The following FARSB variants were observed in gnomAD, a reference collection of about 807,000 sequenced individuals.
FARSB encodes the protein phenylalanyl-tRNA synthetase subunit beta.
In FARSB, 40 loss-of-function variants were observed where a neutral mutation model predicts 69.6. That is an observed-to-expected ratio of 0.57 (90% CI 0.45 to 0.75). The LOEUF is 0.75. Among genes scored for constraint, FARSB ranks in the 30% least tolerant of loss-of-function variants. The pLI, the probability that FARSB is intolerant of heterozygous loss-of-function variation, is 0.00. For synonymous variants in FARSB, 235 were observed against 247.2 expected (o/e 0.95, Z 0.46); for missense variants, 632 against 722.9 (o/e 0.87, Z 1.44).
chr2:222,623,706 G>T lies in FARSB; in HGVS notation c.1195C>A (p.Leu399Ile). 1 of 1,610,098 alleles carries T rather than the reference G, an allele frequency of 6.2e-7. No individual in the cohort carries two copies. Among genetic ancestry groups the T allele is most frequent in the Non-Finnish European group, 8.5e-7 (1 of 1,176,728 alleles). The change falls in exon 13 of 17, where the codon CTT becomes ATT. Residue 399 changes from leucine (L) to isoleucine (I), a missense_variant. Physicochemically the swap from Leu to Ile is conservative, Grantham distance 5. Coordinates refer to ENST00000281828, the MANE Select transcript of FARSB (RefSeq NM_005687.5). ...NQFPLNKLTE[L>I]LRHDMAAAGF... ...GCGGCTGCCATGTCATGTCGGAGAA[G>T]TTCAGTGAGCTTATTAAGAGGAAAC... is the stretch of plus-strand genomic sequence containing the variant.
intron 16 of FARSB, among the ~76,000 whole-genome samples, chr2:222,594,463 T>A (rs935070439): frequency 8.5e-5 from 13 of 152,196 alleles, no homozygotes; most frequent in Non-Finnish European, 1.8e-4. Context: ...TAGTTATTGA[T>A]AACCCTGCAT....
At chr2:222,634,691 G>T in intron 5 of FARSB, 150 bp from the exon 6 acceptor site, 1 of 536,880 alleles carries the variant, frequency 1.9e-6, no homozygotes, top group Non-Finnish European at 3.1e-6. Flanking sequence ...CCCTGAAACA[G>T]CATATTGCTA....
intron 1 of FARSB, among the ~76,000 whole-genome samples, chr2:222,654,980 C>T (rs1023873141): frequency 2.6e-5 from 4 of 151,908 alleles, no homozygotes; most frequent in Non-Finnish European, 5.9e-5. Context: ...AGGTGGATCA[C>T]GAGGTCAGGA....
intron 16 of FARSB, among the ~76,000 whole-genome samples, chr2:222,580,950 G>A (rs1689953247): frequency 6.6e-6 from 1 of 152,072 alleles, no homozygotes; most frequent in Non-Finnish European, 1.5e-5. Flanking sequence ...GACAGGAAGG[G>A]CCAGGGGGTC....
At chr2:222,604,975 T>G (rs1472434652) in intron 15 of FARSB, among the ~76,000 whole-genome samples, 1 of 151,980 alleles carries the variant, frequency 6.6e-6, no homozygotes, top group Non-Finnish European at 1.5e-5. Context: ...GCCATATCTA[T>G]GCCAGCTGAG....
intron 6 of FARSB, 91 bp from the exon 7 acceptor site, chr2:222,633,398 G>C: frequency 1.1e-5 from 7 of 623,552 alleles, no homozygotes; most frequent in Non-Finnish European, 2.7e-6. Flanking sequence ...AAAAAGAAGA[G>C]AACGCCAGGT....
chr2:222,642,597 C>T (rs559083920), intron 3 of FARSB, among the ~76,000 whole-genome samples: 29 of 152,242 alleles, frequency 1.9e-4, no homozygotes, highest in South Asian at 1.9e-3. Flanking sequence ...TTTTTTAAGA[C>T]GCCATAAAAG....
intron 16 of FARSB, among the ~76,000 whole-genome samples, chr2:222,590,823 T>C (rs1690249873): frequency 6.6e-6 from 1 of 152,186 alleles, no homozygotes; most frequent in African/African-American, 2.4e-5. Flanking sequence ...ATTGTTGAAA[T>C]TAGACAATGG....
intron 16 of FARSB, 108 bp downstream of exon 16, chr2:222,599,820 T>C: frequency 1.2e-6 from 1 of 810,492 alleles, no homozygotes. Context: ...AATAAAACTC[T>C]CCCTTTCTTT....
In FARSB at chr2:222,571,973, T is replaced by C. The variant is rs768843030; in HGVS notation, c.1668A>G (p.Gln556=). ...GAAGGACCCCAAGCTTCCCGACGCT[T>C]TGACCCCTGGCAAAGATCTCTGCAC... ...GRCAEIFARG[Q]SVGKLGVLHP... is the part of the protein sequence containing the mutation. Residue 556 remains glutamine, a synonymous_variant, in exon 17 of 17, where the codon CAA becomes CAG. Coordinates refer to ENST00000281828, the MANE Select transcript of FARSB (RefSeq NM_005687.5). 4 of 1,613,856 alleles carry C rather than the reference T, an allele frequency of 2.5e-6. No homozygotes were observed. In the Admixed American group the frequency reaches 5.0e-5, roughly 20 times the overall value.
chr2:222,627,285 T>C (rs1298085730), intron 10 of FARSB, among the ~76,000 whole-genome samples: 1 of 152,168 alleles, frequency 6.6e-6, no homozygotes, highest in African/African-American at 2.4e-5. Flanking sequence ...AGAATAATGT[T>C]TGAAAAATGC....
At chr2:222,614,968 A>G (rs1690958697) in intron 14 of FARSB, among the ~76,000 whole-genome samples, 1 of 152,226 alleles carries the variant, frequency 6.6e-6, no homozygotes, top group South Asian at 2.1e-4. Flanking sequence ...GCTAAAAAAT[A>G]TATACAGCTG....
chr2:222,653,394 C>G (rs1363716865), intron 1 of FARSB, among the ~76,000 whole-genome samples: 1 of 147,328 alleles, frequency 6.8e-6, no homozygotes, highest in East Asian at 2.0e-4. Flanking sequence ...GTGAATGAGA[C>G]ATTATCTGAA....
chr2:222,622,301 T>C (rs1478659293), intron 13 of FARSB, among the ~76,000 whole-genome samples: 1 of 152,110 alleles, frequency 6.6e-6, no homozygotes, highest in Non-Finnish European at 1.5e-5. Flanking sequence ...AAGTATAAAG[T>C]ATAAGTATAA....
chr2:222,592,510 C>G (rs1001117163), intron 16 of FARSB, among the ~76,000 whole-genome samples: 3 of 152,036 alleles, frequency 2.0e-5, no homozygotes, highest in African/African-American at 7.2e-5. Context: ...GTAAATCTGT[C>G]TCACATGTAT....
At chr2:222,614,111 AAAG>A (rs1427660442) in intron 14 of FARSB, among the ~76,000 whole-genome samples, 183 bp from the exon 15 acceptor site, 1 of 152,250 alleles carries the variant, frequency 6.6e-6, no homozygotes, top group African/African-American at 2.4e-5. Context: ...ATTGAACTGA[AAAG>A]AACTGAAAAC....
At position 222,568,837 on chromosome 2, in the gene FARSB, C is replaced by G. The variant is rs1689672358; in HGVS notation, c.*3034G>C. On this transcript the variant is annotated 3_prime_UTR_variant, in exon 17 of 17. Coordinates refer to ENST00000281828, the MANE Select transcript of FARSB (RefSeq NM_005687.5). The surrounding 1 kb of genome is among the most constrained non-coding windows in gnomAD (Gnocchi z 4.3). ...CCTGGGTGACAGAGCGAGACTCCGT[C>G]TAAAAAAACAAAAAACAAACAAAAC... 1 of 152,264 alleles carries G rather than the reference C, an allele frequency of 6.6e-6. No individual in the cohort carries two copies. Among genetic ancestry groups the G allele is most frequent in the Non-Finnish European group, 1.5e-5 (1 of 68,134 alleles). The allele number at this position is 152,264 out of a possible 1,614,324, so 9.4% of individuals were successfully genotyped here.
rs2106219625 is a variant in FARSB at position 222,624,458 on chromosome 2, G to A, written c.984C>T (p.Ala328=). 1 of 1,612,034 alleles carries A rather than the reference G, an allele frequency of 6.2e-7. No individual in the cohort carries two copies. ...VGIRETPENL[A]KLLTRMYLKS... is the part of the protein sequence containing the mutation. Reference sequence around the variant, plus strand: ...TTAAATACATCCTGGTCAGAAGTTTGGCAAGATTTTCTGGAGTTTCTCTGA... The same window carrying A: ...TTAAATACATCCTGGTCAGAAGTTTAGCAAGATTTTCTGGAGTTTCTCTGA... Residue 328 remains alanine (A), a synonymous_variant, in exon 12 of 17, where the codon GCC becomes GCT. Coordinates refer to ENST00000281828, the MANE Select transcript of FARSB (RefSeq NM_005687.5).
At chr2:222,588,997 T>C (rs1178738805) in intron 16 of FARSB, among the ~76,000 whole-genome samples, 1 of 152,254 alleles carries the variant, frequency 6.6e-6, no homozygotes, top group East Asian at 1.9e-4. Flanking sequence ...CTTCACGGAT[T>C]TGGAAAAAAC....
Sources: allele counts gnomAD v4.1 joint callset (sites outside exome capture counted in the v4.1 genomes callset), GRCh38; gene constraint gnomAD v4.1.1; non-coding constraint Gnocchi (gnomAD v3.1); transcripts MANE v1.5; gene names NCBI Gene and HGNC (gene_info 2026-07-23, HGNC 2026-07-21).